The following POLQ variants were observed in gnomAD, a reference collection of about 807,000 sequenced individuals.
POLQ encodes DNA polymerase theta, also known as epididymis secretory sperm binding protein.
Under a neutral mutation model 259.2 loss-of-function variants are expected in POLQ, and 233 were observed. The observed-to-expected ratio is 0.90, with a 90% confidence interval of 0.81 to 1.00. The LOEUF (loss-of-function observed/expected upper bound fraction) is 1.00, where lower values mean the gene tolerates loss of function less well. POLQ is among the 50% of genes least tolerant of loss of function. The pLI is 0.00. For synonymous variants in POLQ, 1,025 were observed against 1,048.8 expected, an observed-to-expected ratio of 0.98 and a Z score of 0.44; for missense variants, 2,871 against 3,051.6, an observed-to-expected ratio of 0.94 and a Z score of 1.39.
chr3:121,473,533 G>A (rs1187046792), intron 20 of POLQ, 46 bp from the exon 21 acceptor site: 1 of 1,490,886 alleles, frequency 6.7e-7, no homozygotes, highest in African/African-American at 1.4e-5. Context: ...AACTTGCAAG[G>A]ATTATCATTC....
rs572635997 is a variant in POLQ, at chr3:121,509,673, G to A, written c.1847C>T (p.Ser616Leu). Residue 616 changes from serine to leucine, a missense_variant, in exon 12 of 30, where the codon TCG becomes TTG. Physicochemically the swap from Ser to Leu is moderately radical, Grantham distance 145 (BLOSUM62 -2). Around this residue, in one of 3 missense-constraint regions of POLQ, gnomAD observed 783 missense variants for 906.2 expected, o/e 0.86. Transcript: ENST00000264233. Reference protein sequence around the residue: ...GKVYHPTHLGSATLSSSLSPA... With the variant: ...GKVYHPTHLGLATLSSSLSPA... ...AGAAAGTGAAGAAGAAAGAGTGGCC[G>A]AACCAAGATGTGTTGGATGATACAC... The A allele has an allele frequency of 1.1e-5, 18 of 1,613,692 alleles. No homozygotes were observed. In the East Asian group the frequency reaches 2.7e-4, roughly 24 times the overall value.
At chr3:121,483,981 A>G (rs1410895658) in intron 17 of POLQ, among the ~76,000 whole-genome samples, 1 of 152,130 alleles carries the variant, frequency 6.6e-6, no homozygotes, top group African/African-American at 2.4e-5. Flanking sequence ...TTAAGTAACT[A>G]CTCACCCCAA....
In POLQ at chr3:121,476,600, G is replaced by T; in HGVS notation, c.6345C>A (p.Thr2115=). 6.2e-7 allele frequency: 1 copy of T among 1,613,828 alleles called. No homozygotes were observed. Among genetic ancestry groups the T allele is most frequent in the Non-Finnish European group, 8.5e-7 (1 of 1,179,880 alleles). The part of the protein sequence containing the change: ...IMQAKLDAIE[T]QAYQLAGHSF... ...TGTGGCCAGCTAGTTGATAGGCCTG[G>T]GTCTCAATTGCATCCAGCTTGGCTT... The change falls in exon 20 of 30, where the codon ACC becomes ACA. Residue 2115 remains threonine (T), a synonymous_variant. Transcript: ENST00000264233.
At chr3:121,509,486 T>C (rs2048235318) in intron 12 of POLQ, 75 bp downstream of exon 12, 2 of 1,249,310 alleles carry the variant, frequency 1.6e-6, no homozygotes, top group Non-Finnish European at 2.3e-6. Context: ...TGTTAGGGTA[T>C]CTTTGATGTT....
chr3:121,446,391 G>A (rs954974573), intron 26 of POLQ, among the ~76,000 whole-genome samples: 1 of 152,176 alleles, frequency 6.6e-6, no homozygotes, highest in Admixed American at 6.5e-5. Context: ...CTGAGGAGAA[G>A]AATGTGTATT....
intron 12 of POLQ, among the ~76,000 whole-genome samples, chr3:121,501,538 A>G (rs1347920366): frequency 6.7e-6 from 1 of 150,100 alleles, no homozygotes; most frequent in African/African-American, 2.4e-5. Flanking sequence ...GGGCGCCTGT[A>G]GTCCCAGCTA....
chr3:121,539,385 A>G, intron 4 of POLQ, 48 bp downstream of exon 4: 1 of 1,436,440 alleles, frequency 7.0e-7, no homozygotes, highest in Middle Eastern at 1.8e-4. Flanking sequence ...ACTTCATTCC[A>G]TCAAAAATAG....
chr3:121,493,315 G>A (rs2048086404), intron 15 of POLQ, among the ~76,000 whole-genome samples, 163 bp downstream of exon 15: 1 of 151,416 alleles, frequency 6.6e-6, no homozygotes, highest in African/African-American at 2.4e-5. Flanking sequence ...AAAAAAAAAA[G>A]TAATCTGCAA....
chr3:121,479,362 A>AATGTGTGTGTGTG lies in POLQ; in HGVS notation c.6211+2209_6211+2210insCACACACACACAT, dbSNP rs140158750. ...CCCTCATCTCTACAAAAAAAAAAAA[A>AATGTGTGTGTGTG]TGTGTGTGTGTGTGTGTGTGTGTGT... is the stretch of plus-strand genomic sequence containing the variant. On this transcript the variant is annotated intron_variant, in intron 19 of 29. Transcript: ENST00000264233. 2.8e-5 allele frequency among the ~76,000 whole-genome samples: 4 copies of AATGTGTGTGTGTG among 142,696 alleles called. No individual in the cohort carries two copies. The East Asian group carries it at 8.2e-4, about 29-fold the overall frequency. 93.6% of individuals were successfully genotyped at this position (142,696 alleles called of 152,430 possible).
At chr3:121,535,652 G>A (rs964499656) in intron 5 of POLQ, among the ~76,000 whole-genome samples, 4 of 145,670 alleles carry the variant, frequency 2.7e-5, no homozygotes, top group African/African-American at 7.6e-5. Context: ...GGAGATGGAG[G>A]TTGCAGTGAG....
At chr3:121,462,110 G>A (rs1300017955) in intron 24 of POLQ, among the ~76,000 whole-genome samples, 1 of 152,102 alleles carries the variant, frequency 6.6e-6, no homozygotes, top group Admixed American at 6.5e-5. Context: ...TGTTCAATTG[G>A]TAAATATTCT....
chr3:121,513,038 G>T (rs891028311), intron 9 of POLQ, among the ~76,000 whole-genome samples: 2 of 152,116 alleles, frequency 1.3e-5, no homozygotes, highest in Non-Finnish European at 2.9e-5. Context: ...ATTATGACTA[G>T]AGAGAATCAT....
At chr3:121,455,709 C>A (rs1258713636) in intron 25 of POLQ, among the ~76,000 whole-genome samples, 3 of 152,112 alleles carry the variant, frequency 2.0e-5, no homozygotes, top group African/African-American at 4.8e-5. Context: ...CTGAATAGAC[C>A]AATAACAGGC....
In POLQ at chr3:121,521,153, G is replaced by A. The variant is rs1187839904; in HGVS notation, c.1255+850C>T. On this transcript the variant is annotated intron_variant, in intron 8 of 29. Coordinates refer to ENST00000264233, the MANE Select transcript of POLQ (RefSeq NM_199420.4). The stretch of plus-strand genomic sequence containing the variant: ...TTACCCAAAGTCAAAAATATAAAGA[G>A]GAAAATTCCAGAAATAAGCAACTCA... 2.6e-5 allele frequency among the ~76,000 whole-genome samples: 4 copies of A among 152,062 alleles called. No individual in the cohort carries two copies. In the South Asian group the frequency reaches 8.3e-4, roughly 32 times the overall value.
chr3:121,475,479 G>C (rs7615529), intron 20 of POLQ, among the ~76,000 whole-genome samples: 95,985 of 151,828 alleles, frequency 0.63, 30,714 homozygotes, highest in East Asian at 0.89. Flanking sequence ...GGCAGTATAG[G>C]AGAAAAAAAA....
chr3:121,489,722 T>C lies in POLQ; in HGVS notation c.3209A>G (p.Gln1070Arg), dbSNP rs1304335005. 1.2e-5 allele frequency: 19 copies of C among 1,612,636 alleles called. No homozygotes were observed. Among genetic ancestry groups the C allele is most frequent in the Non-Finnish European group, 1.6e-5 (19 of 1,179,710 alleles). The change falls in exon 16 of 30, where the codon CAG becomes CGG. Residue 1070 changes from glutamine (Q) to arginine (R), a missense_variant. Gln to Arg is a conservative substitution (Grantham distance 43). Transcript: ENST00000264233. ...SGACRIHLQG[Q>R]TLSNPSLCED... ...ACAAAGACTAGGATTAGACAGAGTC[T>C]GTCCTTGTAAATGGATTCTACACGC...
chr3:121,543,045 T>A (rs1025459816), intron 2 of POLQ, among the ~76,000 whole-genome samples: 4 of 151,972 alleles, frequency 2.6e-5, no homozygotes, highest in Non-Finnish European at 4.4e-5. Context: ...AAGAATGAAC[T>A]AGTTTCAAAG....
At chr3:121,477,106 A>AG (rs2047933682) in intron 19 of POLQ, among the ~76,000 whole-genome samples, 8 of 152,326 alleles carry the variant, frequency 5.3e-5, no homozygotes, top group African/African-American at 1.9e-4. Flanking sequence ...GAGCACTGAC[A>AG]TGACACCACA....
chr3:121,466,950 T>G (rs1048211887), intron 24 of POLQ, among the ~76,000 whole-genome samples: 1 of 152,068 alleles, frequency 6.6e-6, no homozygotes, highest in African/African-American at 2.4e-5. Context: ...ATACTAACAG[T>G]TGGAATGATC....
Sources: allele counts gnomAD v4.1 joint callset (sites outside exome capture counted in the v4.1 genomes callset), GRCh38; gene constraint gnomAD v4.1.1; regional missense constraint gnomAD v4.1.1; transcripts MANE v1.5; gene names NCBI Gene and HGNC (gene_info 2026-07-23, HGNC 2026-07-21).